Variants in BAG3 observed in about 807,000 individuals in gnomAD.
BAG3 encodes BAG cochaperone 3.
BAG3 carries 14 observed loss-of-function variants against 40.5 expected under a neutral mutation model. The observed-to-expected ratio is 0.35, with a 90% CI of 0.23 to 0.54. The LOEUF (loss-of-function observed/expected upper bound fraction) is 0.54. Ranked by LOEUF, BAG3 falls within the 20% of genes least tolerant of loss-of-function variation. The probability of loss-of-function intolerance (pLI) is 0.91; values close to 1 mark genes in which losing one functional copy is unlikely to be tolerated. For missense variants in BAG3, 788 were observed against 758.6 expected, an observed-to-expected ratio of 1.04 and a Z score of -0.46; for synonymous variants, 302 against 307.8, an observed-to-expected ratio of 0.98 and a Z score of 0.20.
In BAG3 at chr10:119,658,911, G is replaced by A. The variant is rs144179900; in HGVS notation, c.180+7056G>A. On this transcript the variant is annotated intron_variant, in intron 1 of 3. Transcript: ENST00000369085. ...AAACATATGCAGCCTGCTCTGTGGA[G>A]TAGAAGTGTGTTTGTGGATAGGTGT... 3.1e-3 allele frequency among the ~76,000 whole-genome samples: 470 copies of A among 152,310 alleles called. 2 individuals carry two copies. The highest frequency in any genetic ancestry group is 0.01 in the African/African-American group (427 of 41,558).
intron 2 of BAG3, 113 bp downstream of exon 2, chr10:119,670,290 G>A: frequency 2.5e-6 from 3 of 1,194,548 alleles, no homozygotes; most frequent in Middle Eastern, 2.9e-4. Flanking sequence ...CACATGCAGG[G>A]CATCTGGGTC....
chr10:119,665,091 T>TTG (rs1847041421), intron 1 of BAG3, among the ~76,000 whole-genome samples: 1 of 55,054 alleles, frequency 1.8e-5, no homozygotes, highest in Non-Finnish European at 4.0e-5. Context: ...CTAATTTTTG[T>TTG]TTGTGTGTGT....
Position 119,651,669 on chromosome 10 carries a change from A to C in BAG3, c.-7A>C. On this transcript the variant is annotated 5_prime_UTR_variant, in exon 1 of 4. Coordinates refer to ENST00000369085, the MANE Select transcript of BAG3 (RefSeq NM_004281.4). ...CCCGCGCCCCAGCGGGCAGACCCCA[A>C]CCCAGCATGAGCGCCGCCACCCACT... The C allele has an allele frequency of 1.3e-6, 2 of 1,572,644 alleles. No individual in the cohort carries two copies. Among genetic ancestry groups the C allele is most frequent in the Non-Finnish European group, 1.7e-6 (2 of 1,160,856 alleles).
intron 1 of BAG3, among the ~76,000 whole-genome samples, chr10:119,664,307 T>A (rs1020204684): frequency 6.6e-6 from 1 of 152,230 alleles, no homozygotes; most frequent in African/African-American, 2.4e-5. Flanking sequence ...CTCATGGAGT[T>A]GTTTGGTGCC....
rs367864009 is a variant in BAG3, at chr10:119,662,215, G to GTTTT, written c.181-7629_181-7626dup. On this transcript the variant is annotated intron_variant, in intron 1 of 3. Coordinates refer to ENST00000369085, the MANE Select transcript of BAG3 (RefSeq NM_004281.4). ...GGCCCCCGCCACCATGCCTGGCTAT[G>GTTTT]TTTTTTTTTTGTTTTTTTTTTTTTT... Among the ~76,000 whole-genome samples, 76 of 90,378 alleles carry GTTTT rather than the reference G, an allele frequency of 8.4e-4. 7 individuals carry two copies. The highest frequency in any genetic ancestry group is 8.1e-3 in the Middle Eastern group (1 of 124). 59.3% of individuals were successfully genotyped at this position (90,378 alleles called of 152,430 possible).
At chr10:119,662,066 A>G (rs1170119511) in intron 1 of BAG3, among the ~76,000 whole-genome samples, 1 of 151,848 alleles carries the variant, frequency 6.6e-6, no homozygotes, top group African/African-American at 2.4e-5. Context: ...TTGTTGTTTT[A>G]ATTCAGAGCC....
In BAG3 at chr10:119,651,494, C is replaced by A; in HGVS notation, c.-182C>A. 2.1e-6 allele frequency: 1 copy of A among 485,960 alleles called. No homozygotes were observed. Among genetic ancestry groups the A allele is most frequent in the Non-Finnish European group, 3.4e-6 (1 of 292,626 alleles). 30.1% of individuals were successfully genotyped at this position (485,960 alleles called of 1,614,324 possible). ...CCCTCTGGCAGCGAGGAGGCTATTT[C>A]CAGACACTTCCACCCCTCTCTGGCC... On this transcript the variant is annotated 5_prime_UTR_variant, in exon 1 of 4. Transcript: ENST00000369085.
intron 1 of BAG3, among the ~76,000 whole-genome samples, chr10:119,665,767 GT>G (rs67527405): frequency 6.6e-6 from 1 of 151,446 alleles, no homozygotes; most frequent in African/African-American, 2.4e-5. Context: ...TGAAATTCAT[GT>G]TTTTTTTATT....
intron 1 of BAG3, among the ~76,000 whole-genome samples, chr10:119,652,645 AAG>A (rs1416433741): frequency 6.6e-6 from 1 of 152,216 alleles, no homozygotes; most frequent in Non-Finnish European, 1.5e-5. Context: ...ACTGGAGAGA[AAG>A]AGAATGATAC....
At chr10:119,675,930 T>C (rs1847228447) in intron 3 of BAG3, among the ~76,000 whole-genome samples, 3 of 43,068 alleles carry the variant, frequency 7.0e-5, no homozygotes, top group Non-Finnish European at 1.4e-4. Flanking sequence ...CCTCCCTCCC[T>C]CCCTTCCTTC....
At position 119,651,654 on chromosome 10, in the gene BAG3, A is replaced by G; in HGVS notation, c.-22A>G. The G allele has an allele frequency of 6.5e-7, 1 of 1,528,266 alleles. No homozygotes were observed. The highest frequency in any genetic ancestry group is 1.4e-5 in the African/African-American group (1 of 69,754). The allele number at this position is 1,528,266 out of a possible 1,614,324, so 94.7% of individuals were successfully genotyped here. ...AGCCAGCGCCCCGCACCCGCGCCCC[A>G]GCGGGCAGACCCCAACCCAGCATGA... On this transcript the variant is annotated 5_prime_UTR_variant, in exon 1 of 4. Transcript: ENST00000369085.
At position 119,672,708 on chromosome 10, in the gene BAG3, G is replaced by C; in HGVS notation, c.909+52G>C. 1 of 1,603,896 alleles carries C rather than the reference G, an allele frequency of 6.2e-7. No individual in the cohort carries two copies. The highest frequency in any genetic ancestry group is 1.1e-5 in the South Asian group (1 of 90,934). On this transcript the variant is annotated intron_variant, in intron 3 of 3. Transcript: ENST00000369085. The surrounding 1 kb of genome is among the most constrained non-coding windows in gnomAD (Gnocchi z 4.8). Reference sequence around the variant, plus strand: ...TGGTTATGGTGGTATGTCTCCAGGGGTGCAGGAGCTCTGTGGGTGCCCTGG... The same window carrying C: ...TGGTTATGGTGGTATGTCTCCAGGGCTGCAGGAGCTCTGTGGGTGCCCTGG...
At chr10:119,653,791 G>A (rs1846874418) in intron 1 of BAG3, among the ~76,000 whole-genome samples, 3 of 152,194 alleles carry the variant, frequency 2.0e-5, no homozygotes, top group Admixed American at 6.5e-5. Context: ...CAACAACAGG[G>A]AGAGAACTAG....
intron 1 of BAG3, among the ~76,000 whole-genome samples, chr10:119,659,964 C>T (rs1054189055): frequency 1.3e-5 from 2 of 152,032 alleles, no homozygotes; most frequent in Non-Finnish European, 2.9e-5. Context: ...TCTAACATGC[C>T]CTGAAGCTAA....
intron 1 of BAG3, among the ~76,000 whole-genome samples, chr10:119,659,068 G>A (rs529697606): frequency 6.6e-6 from 1 of 152,090 alleles, no homozygotes; most frequent in Admixed American, 6.5e-5. Flanking sequence ...TGACTCCCCC[G>A]ACCAGTGTCC....
Position 119,653,433 on chromosome 10 carries a change from T to C in BAG3, c.180+1578T>C, listed in dbSNP as rs148049125. Among the ~76,000 whole-genome samples the C allele has an allele frequency of 1.4e-4, 21 of 152,322 alleles. 1 individual carries two copies. In the East Asian group the frequency reaches 3.9e-3, roughly 28 times the overall value. On this transcript the variant is annotated intron_variant, in intron 1 of 3. Transcript: ENST00000369085. ...GATAGTGGTATCTGTTGGCAGCCTT[T>C]GTTGTGAGTGAAGATCAAGTTTGAA...
In BAG3 at chr10:119,676,675, C is replaced by T. The variant is rs770517568; in HGVS notation, c.1121C>T (p.Pro374Leu). 1.2e-6 allele frequency: 2 copies of T among 1,614,168 alleles called. No homozygotes were observed. The highest frequency in any genetic ancestry group is 8.5e-7 in the Non-Finnish European group (1 of 1,180,036). The change falls in exon 4 of 4, where the codon CCT (proline) becomes CTT (leucine). Residue 374 changes from proline (P) to leucine (L), a missense_variant. By Grantham distance (98) the Pro-to-Leu change is moderately conservative. Coordinates refer to ENST00000369085, the MANE Select transcript of BAG3 (RefSeq NM_004281.4). The stretch of plus-strand genomic sequence containing the variant: ...GTTCCCCCTGCTCCAGTTCCTTGTC[C>T]TCCTCCCAGCCCTGGCCCTTCTGCT... ...VKVPPAPVPCPPPSPGPSAVP... is the reference protein window; with the variant it reads ...VKVPPAPVPCLPPSPGPSAVP...
rs756178548 is a variant in BAG3 at position 119,676,711 on chromosome 10, C to A, written c.1157C>A (p.Ser386Tyr). The A allele has an allele frequency of 7.4e-6, 12 of 1,614,048 alleles. No individual in the cohort carries two copies. In the Admixed American group the frequency reaches 2.0e-4, roughly 27 times the overall value. ...CCTGGCCCTTCTGCTGTCCCCTCTT[C>A]CCCCAAGAGTGTGGCTACAGAAGAG... ...PSPGPSAVPS[S>Y]PKSVATEERA... Residue 386 changes from serine (S) to tyrosine (Y), a missense_variant, in exon 4 of 4, where the codon TCC becomes TAC. By Grantham distance (144) the Ser-to-Tyr change is moderately radical (BLOSUM62 -2). Transcript: ENST00000369085.
At chr10:119,668,088 C>T (rs1847091274) in intron 1 of BAG3, among the ~76,000 whole-genome samples, 1 of 152,198 alleles carries the variant, frequency 6.6e-6, no homozygotes, top group South Asian at 2.1e-4. Context: ...TAATGTAATG[C>T]CGCCGCCCTG....
Sources: allele counts gnomAD v4.1 joint callset (sites outside exome capture counted in the v4.1 genomes callset), GRCh38; gene constraint gnomAD v4.1.1; non-coding constraint Gnocchi (gnomAD v3.1); transcripts MANE v1.5; gene names NCBI Gene and HGNC (gene_info 2026-07-23, HGNC 2026-07-21).